The following FSTL4 variants were observed in gnomAD, a reference collection of about 807,000 sequenced individuals.
FSTL4 encodes follistatin-related protein 4.
Under a neutral mutation model 78.2 loss-of-function variants are expected in FSTL4, and 28 were observed. The ratio of observed to expected loss-of-function variants is 0.36; its 90% confidence interval spans 0.27 to 0.49. The LOEUF (loss-of-function observed/expected upper bound fraction) is 0.49, where lower values mean the gene tolerates loss of function less well. Among genes scored for constraint, FSTL4 ranks in the 20% least tolerant of loss-of-function variants. The pLI is 0.98. For missense variants in FSTL4, 922 were observed against 1,084.9 expected (o/e 0.85, Z 2.11); for synonymous variants, 422 against 440.5 (o/e 0.96, Z 0.53).
chr5:133,226,404 T>G (rs1167255833), intron 8 of FSTL4, among the ~76,000 whole-genome samples: 1 of 152,128 alleles, frequency 6.6e-6, no homozygotes, highest in Non-Finnish European at 1.5e-5. Context: ...AGGTTCAGGG[T>G]TGGGGGTGTG....
intron 4 of FSTL4, among the ~76,000 whole-genome samples, chr5:133,350,191 T>C (rs1328869479): frequency 2.0e-5 from 3 of 152,082 alleles, no homozygotes; most frequent in Non-Finnish European, 2.9e-5. Flanking sequence ...AAAGGACCCA[T>C]AGGATGGACT....
chr5:133,536,948 G>T (rs951398697), intron 3 of FSTL4, among the ~76,000 whole-genome samples: 11 of 152,110 alleles, frequency 7.2e-5, no homozygotes, highest in African/African-American at 2.7e-4. Flanking sequence ...ATGTCTCCCA[G>T]TGCAAATATG....
At position 133,552,319 on chromosome 5, in the gene FSTL4, A is replaced by G. The variant is rs538449279; in HGVS notation, c.160+14867T>C. On this transcript the variant is annotated intron_variant, in intron 3 of 15. Coordinates refer to ENST00000265342, the MANE Select transcript of FSTL4 (RefSeq NM_015082.2). ...ATTTCTACTTGGTCATATTTATTCT[A>G]CAGAACTGTATCTAACACACTTAGT... Among the ~76,000 whole-genome samples the G allele has an allele frequency of 3.0e-4, 45 of 152,242 alleles. 1 individual carries two copies. Among genetic ancestry groups the G allele is most frequent in the Non-Finnish European group, 6.0e-4 (41 of 68,050 alleles).
intron 4 of FSTL4, among the ~76,000 whole-genome samples, chr5:133,328,367 C>T (rs142135689): frequency 1.1e-3 from 171 of 152,292 alleles, no homozygotes; most frequent in Admixed American, 8.8e-3. Flanking sequence ...TGTTGCTATA[C>T]AATCTGCTGT....
intron 3 of FSTL4, among the ~76,000 whole-genome samples, chr5:133,475,241 A>G (rs1223681634): frequency 3.3e-5 from 5 of 152,226 alleles, no homozygotes; most frequent in African/African-American, 1.2e-4. Flanking sequence ...GTTAACTACC[A>G]ATAGGTGGGA....
chr5:133,685,355 C>T, the FSTL4 span, among the ~76,000 whole-genome samples: 1 of 152,190 alleles, frequency 6.6e-6, no homozygotes, highest in Non-Finnish European at 1.5e-5. Flanking sequence ...GACATTGAGG[C>T]ACGGTCCTTG....
the FSTL4 span, among the ~76,000 whole-genome samples, chr5:133,833,166 GC>G: frequency 6.6e-6 from 1 of 152,142 alleles, no homozygotes; most frequent in African/African-American, 2.4e-5. Context: ...GAGGAGCAGA[GC>G]CCACAGTCAG....
At position 133,547,674 on chromosome 5, in the gene FSTL4, G is replaced by A. The variant is rs555850656; in HGVS notation, c.160+19512C>T. 2.0e-5 allele frequency among the ~76,000 whole-genome samples: 3 copies of A among 152,280 alleles called. No homozygotes were observed. In the East Asian group the frequency reaches 5.8e-4, roughly 29 times the overall value. On this transcript the variant is annotated intron_variant, in intron 3 of 15. Coordinates refer to ENST00000265342, the MANE Select transcript of FSTL4 (RefSeq NM_015082.2). ...ACAAAAGCGAGTTGCTATAAAGTGAGGCTGTCCTTGCATTTGCCCTTTTGG... is the reference window on the plus strand; with the variant it reads ...ACAAAAGCGAGTTGCTATAAAGTGAAGCTGTCCTTGCATTTGCCCTTTTGG...
chr5:133,321,937 CAT>C (rs1237570909), intron 4 of FSTL4, among the ~76,000 whole-genome samples: 1 of 152,216 alleles, frequency 6.6e-6, no homozygotes, highest in African/African-American at 2.4e-5. Context: ...TTTCTGCCCA[CAT>C]GTTTGGAAAG....
intron 3 of FSTL4, among the ~76,000 whole-genome samples, chr5:133,425,966 G>A (rs982613231): frequency 1.3e-5 from 2 of 152,346 alleles, no homozygotes; most frequent in African/African-American, 2.4e-5. Context: ...CAGGAATGAC[G>A]TGGGGGGCTC....
At chr5:133,656,935 T>C in the FSTL4 span, among the ~76,000 whole-genome samples, 6 of 152,130 alleles carry the variant, frequency 3.9e-5, no homozygotes, top group South Asian at 6.2e-4. Context: ...ATTCTGGCTA[T>C]TGTTTAAGTT....
At chr5:133,481,375 G>A (rs1037249406) in intron 3 of FSTL4, among the ~76,000 whole-genome samples, 20 of 151,836 alleles carry the variant, frequency 1.3e-4, no homozygotes, top group Non-Finnish European at 2.8e-4. Context: ...ACACCTATCT[G>A]TACTAAAAAT....
the FSTL4 span, among the ~76,000 whole-genome samples, chr5:133,715,659 GCCCACAGGA>G: frequency 6.6e-6 from 1 of 152,218 alleles, no homozygotes; most frequent in East Asian, 1.9e-4. Flanking sequence ...AGCAGCCACA[GCCCACAGGA>G]CTCTTTATTT....
At chr5:133,478,755 C>T (rs749376785) in intron 3 of FSTL4, among the ~76,000 whole-genome samples, 8 of 152,032 alleles carry the variant, frequency 5.3e-5, no homozygotes, top group East Asian at 1.9e-4. Flanking sequence ...CTCACACACA[C>T]GAGTGCAGTT....
chr5:133,264,385 C>T (rs1752599553), intron 6 of FSTL4, among the ~76,000 whole-genome samples: 1 of 152,170 alleles, frequency 6.6e-6, no homozygotes, highest in Non-Finnish European at 1.5e-5. Context: ...TCACCCGTGT[C>T]TTGGTGGTTA....
At chr5:133,493,814 T>G (rs1758317690) in intron 3 of FSTL4, among the ~76,000 whole-genome samples, 1 of 152,212 alleles carries the variant, frequency 6.6e-6, no homozygotes, top group South Asian at 2.1e-4. Context: ...AGTAATATTT[T>G]ATTTTCTATA....
chr5:133,690,308 C>T, the FSTL4 span, among the ~76,000 whole-genome samples: 1 of 152,136 alleles, frequency 6.6e-6, no homozygotes, highest in African/African-American at 2.4e-5. Flanking sequence ...TGGATCCTAT[C>T]TCATATCCAG....
the FSTL4 span, among the ~76,000 whole-genome samples, chr5:133,689,799 C>T: frequency 1.3e-5 from 2 of 152,178 alleles, no homozygotes; most frequent in Non-Finnish European, 2.9e-5. Flanking sequence ...CGGTGGCTCA[C>T]GCCTGTAATC....
At chr5:133,224,156 C>G (rs1458225887) in intron 11 of FSTL4, 34 bp downstream of exon 11, 1 of 1,592,832 alleles carries the variant, frequency 6.3e-7, no homozygotes, top group African/African-American at 1.3e-5. Flanking sequence ...CACACGTGAT[C>G]ACAGGCATGA....
Sources: gnomAD v4.1 joint callset for allele counts (sites outside exome capture counted in the v4.1 genomes callset) on GRCh38, gnomAD v4.1.1 for gene constraint, MANE v1.5 for transcripts, NCBI Gene and HGNC (gene_info 2026-07-23, HGNC 2026-07-21) for gene names.